The following CTNND2 variants were observed in gnomAD, a reference collection of about 807,000 sequenced individuals.
CTNND2 encodes the protein catenin delta-2.
A neutral mutation model predicts 144.4 loss-of-function variants in CTNND2; 22 were observed. The observed-to-expected ratio is 0.15, with a 90% CI of 0.11 to 0.22. The LOEUF (loss-of-function observed/expected upper bound fraction) is 0.22, where lower values mean the gene tolerates loss of function less well. Among genes scored for constraint, CTNND2 ranks in the 10% least tolerant of loss-of-function variants. The pLI is 1.00. For synonymous variants in CTNND2, 751 were observed against 695.6 expected (o/e 1.08, Z -1.25); for missense variants, 1,353 against 1,618.8 (o/e 0.84, Z 2.82).
At chr5:11,639,864 T>C (rs1056970713) in intron 2 of CTNND2, among the ~76,000 whole-genome samples, 1 of 152,236 alleles carries the variant, frequency 6.6e-6, no homozygotes, top group Non-Finnish European at 1.5e-5. Flanking sequence ...TTACCTATGA[T>C]GCATGTTGCT....
intron 9 of CTNND2, among the ~76,000 whole-genome samples, chr5:11,281,773 A>G (rs1332714416): frequency 6.6e-6 from 1 of 152,102 alleles, no homozygotes; most frequent in Non-Finnish European, 1.5e-5. Context: ...TCCTCTTCTT[A>G]TAAGGACACC....
intron 1 of CTNND2, among the ~76,000 whole-genome samples, chr5:11,805,221 A>G (rs1470498516): frequency 6.6e-6 from 1 of 152,172 alleles, no homozygotes; most frequent in Non-Finnish European, 1.5e-5. Flanking sequence ...AGTTGGACAC[A>G]TCACTGTGAA....
At chr5:11,792,118 G>A (rs951683160) in intron 1 of CTNND2, among the ~76,000 whole-genome samples, 6 of 152,098 alleles carry the variant, frequency 3.9e-5, no homozygotes, top group South Asian at 2.1e-4. Flanking sequence ...TAGACCATGC[G>A]GTCTCAAAGT....
rs113976572 is a variant in CTNND2 at position 11,320,576 on chromosome 5, G to A, written c.1628+25796C>T. On this transcript the variant is annotated intron_variant, in intron 9 of 21. Coordinates refer to ENST00000304623, the MANE Select transcript of CTNND2 (RefSeq NM_001332.4). ...TTGGACTTACAGTTCCACATGGCTG[G>A]GTGGGGGCCTCACAACCATGGTGGA... Among the ~76,000 whole-genome samples, 931 of 152,282 alleles carry A rather than the reference G, an allele frequency of 6.1e-3. 9 individuals are homozygous for A. Among genetic ancestry groups the A allele is most frequent in the African/African-American group, 0.021 (871 of 41,540 alleles).
At chr5:11,209,438 A>C (rs1216717217) in intron 10 of CTNND2, among the ~76,000 whole-genome samples, 1 of 152,230 alleles carries the variant, frequency 6.6e-6, no homozygotes, top group Non-Finnish European at 1.5e-5. Context: ...ATTACAAGCC[A>C]ATGTTAAAGG....
intron 3 of CTNND2, among the ~76,000 whole-genome samples, chr5:11,469,031 A>C (rs1766922057): frequency 6.6e-6 from 1 of 152,112 alleles, no homozygotes; most frequent in Non-Finnish European, 1.5e-5. Flanking sequence ...TGGGTTTCTC[A>C]TGGGAGAACG....
chr5:11,014,850 C>T (rs34081961), intron 18 of CTNND2, among the ~76,000 whole-genome samples: 263 of 152,318 alleles, frequency 1.7e-3, no homozygotes, highest in Non-Finnish European at 3.3e-3. Context: ...TCTCTCCCCT[C>T]ACACTTTCCC....
intron 16 of CTNND2, among the ~76,000 whole-genome samples, chr5:11,027,667 T>C (rs752215071): frequency 3.3e-5 from 5 of 152,184 alleles, no homozygotes; most frequent in African/African-American, 4.8e-5. Flanking sequence ...GTGAACCAGT[T>C]TTCTAAATCC....
chr5:11,466,462 C>G (rs1766688966), intron 3 of CTNND2, among the ~76,000 whole-genome samples: 1 of 152,048 alleles, frequency 6.6e-6, no homozygotes, highest in Non-Finnish European at 1.5e-5. Flanking sequence ...ATACTAGTGT[C>G]CTCCAAATTC....
chr5:11,584,703 C>A (rs145796141), intron 2 of CTNND2, among the ~76,000 whole-genome samples: 1 of 152,074 alleles, frequency 6.6e-6, no homozygotes, highest in Non-Finnish European at 1.5e-5. Flanking sequence ...AAAAATGCAC[C>A]CACTTTTGCT....
At chr5:11,020,254 A>C (rs1368024441) in intron 17 of CTNND2, among the ~76,000 whole-genome samples, 4 of 152,184 alleles carry the variant, frequency 2.6e-5, no homozygotes, top group African/African-American at 4.8e-5. Context: ...TGTATATATA[A>C]AGAACATGTA....
chr5:11,105,538 G>C (rs1160886007), intron 14 of CTNND2, among the ~76,000 whole-genome samples: 1 of 134,150 alleles, frequency 7.5e-6, no homozygotes, highest in African/African-American at 2.8e-5. Context: ...AGAGGCCCTG[G>C]TGAAGTTGTA....
chr5:11,120,152 G>A (rs1349155702), intron 12 of CTNND2, among the ~76,000 whole-genome samples: 1 of 152,198 alleles, frequency 6.6e-6, no homozygotes, highest in Non-Finnish European at 1.5e-5. Flanking sequence ...TGAAAAATGA[G>A]AAAGATTAAT....
At chr5:11,347,975 T>C (rs1754961663) in intron 8 of CTNND2, among the ~76,000 whole-genome samples, 1 of 152,198 alleles carries the variant, frequency 6.6e-6, no homozygotes, top group Admixed American at 6.5e-5. Context: ...AGTTCAGGGC[T>C]CTTCTTTCCC....
chr5:11,451,688 T>C (rs1388045596), intron 3 of CTNND2, among the ~76,000 whole-genome samples: 3 of 152,220 alleles, frequency 2.0e-5, no homozygotes, highest in African/African-American at 7.2e-5. Flanking sequence ...TAAATTCTAA[T>C]GACACATTAT....
chr5:11,778,213 A>G (rs1175331425), intron 1 of CTNND2, among the ~76,000 whole-genome samples: 2 of 152,000 alleles, frequency 1.3e-5, no homozygotes, highest in Non-Finnish European at 2.9e-5. Context: ...CACTTCTTAC[A>G]TCCAATCCCA....
intron 1 of CTNND2, among the ~76,000 whole-genome samples, chr5:11,868,262 T>C (rs566915289): frequency 1.1e-3 from 173 of 152,174 alleles, no homozygotes; most frequent in African/African-American, 4.0e-3. Flanking sequence ...GGACAGTCTT[T>C]GGGTGCTCCA....
At chr5:11,513,236 T>C (rs1771828132) in intron 3 of CTNND2, among the ~76,000 whole-genome samples, 1 of 152,182 alleles carries the variant, frequency 6.6e-6, no homozygotes, top group African/African-American at 2.4e-5. Context: ...AGACGGTGCA[T>C]GGGCCACAAG....
chr5:11,684,420 G>C (rs1298220245), intron 2 of CTNND2, among the ~76,000 whole-genome samples: 1 of 152,136 alleles, frequency 6.6e-6, no homozygotes, highest in Non-Finnish European at 1.5e-5. Flanking sequence ...ATTTTTAATA[G>C]AAGAGAAATA....
Sources: allele counts gnomAD v4.1 joint callset (sites outside exome capture counted in the v4.1 genomes callset), GRCh38; gene constraint gnomAD v4.1.1; transcripts MANE v1.5; gene names NCBI Gene and HGNC (gene_info 2026-07-23, HGNC 2026-07-21).